Variants in TEX12 observed in about 807,000 individuals in gnomAD.
The protein encoded by TEX12 is testis expressed 12.
TEX12 carries 7 observed loss-of-function variants against 14.6 expected under a neutral mutation model. That is an observed-to-expected ratio of 0.48 (90% CI 0.27 to 0.90). The LOEUF is 0.90. TEX12 is among the 40% of genes least tolerant of loss of function. TEX12 has a pLI of 0.12. For missense variants in TEX12, 121 were observed against 135.7 expected (o/e 0.89, Z 0.54); for synonymous variants, 57 against 49.1 (o/e 1.16, Z -0.67).
Position 112,171,879 on chromosome 11 carries a change from A to G in TEX12, c.335A>G (p.Gln112Arg), listed in dbSNP as rs1866795150. The G allele has an allele frequency of 6.3e-7, 1 of 1,582,076 alleles. No homozygotes were observed. Among genetic ancestry groups the G allele is most frequent in the South Asian group, 1.2e-5 (1 of 84,748 alleles). Residue 112 changes from glutamine to arginine, a missense_variant, in exon 5 of 5, where the codon CAG becomes CGG. Gln to Arg is a conservative substitution (Grantham distance 43). Transcript: ENST00000280358. ...FLIQKREFLR[Q>R]RFTVIANTLH... ...ATACAAAAAAGAGAGTTCCTGCGAC[A>G]GAGGTTTACAGTGATTGCAAACACA...
chr11:112,168,698 C>G (rs36077191), intron 1 of TEX12, among the ~76,000 whole-genome samples: 3 of 151,866 alleles, frequency 2.0e-5, no homozygotes, highest in Non-Finnish European at 4.4e-5. Context: ...ATTACAGGCG[C>G]CTGCCACCAC....
chr11:112,170,083 G>A (rs1482344165), intron 2 of TEX12, among the ~76,000 whole-genome samples: 1 of 152,202 alleles, frequency 6.6e-6, no homozygotes, highest in East Asian at 1.9e-4. Flanking sequence ...AGGAGTCTGA[G>A]ACAGGAGGAT....
At chr11:112,169,454 G>A in intron 2 of TEX12, 123 bp downstream of exon 2, 2 of 736,036 alleles carry the variant, frequency 2.7e-6, no homozygotes, top group Admixed American at 2.5e-5. Context: ...CCAGAGCTAG[G>A]ATTGTCCTAC....
At chr11:112,169,370 G>T (rs368440925) in intron 2 of TEX12, 39 bp downstream of exon 2, 2 of 1,482,086 alleles carry the variant, frequency 1.3e-6, no homozygotes, top group Non-Finnish European at 1.9e-6. Context: ...CTTTTATTCT[G>T]TTTTACATAC....
rs372994901 is a variant in TEX12 at position 112,170,392 on chromosome 11, C to A, written c.64-27C>A. 2.8e-6 allele frequency: 4 copies of A among 1,406,836 alleles called. No individual in the cohort carries two copies. The African/African-American group carries it at 6.4e-5, about 22-fold the overall frequency. The allele number at this position is 1,406,836 out of a possible 1,614,324, so 87.1% of individuals were successfully genotyped here. On this transcript the variant is annotated intron_variant, in intron 2 of 4. Transcript: ENST00000280358. ...TGTCCTGAAGATCTTATTGACTGTA[C>A]CTGTTTTCTTTATTTTGTCCTGTTA...
Position 112,172,013 on chromosome 11 carries a change from A to T in TEX12, c.*97A>T, listed in dbSNP as rs919693154. On this transcript the variant is annotated 3_prime_UTR_variant, in exon 5 of 5. Transcript: ENST00000280358. ...GAAAGCTCTCGAGTTGTTAAAGAAA[A>T]TGTATATCTCGAATAGAGAAGGGGA... 1 of 961,600 alleles carries T rather than the reference A, an allele frequency of 1.0e-6. No homozygotes were observed. Among genetic ancestry groups the T allele is most frequent in the African/African-American group, 1.7e-5 (1 of 58,934 alleles). 59.6% of individuals were successfully genotyped at this position (961,600 alleles called of 1,614,324 possible). A position where few individuals can be genotyped will look rare whatever the true frequency, so the allele number is the denominator to read the frequency against.
At chr11:112,168,772 G>A (rs45542134) in intron 1 of TEX12, among the ~76,000 whole-genome samples, 1 of 151,960 alleles carries the variant, frequency 6.6e-6, no homozygotes, top group African/African-American at 2.4e-5. Flanking sequence ...GGCTGGTCTC[G>A]AACTCCCGAC....
chr11:112,170,472 T>G lies in TEX12; in HGVS notation c.117T>G (p.Ser39=). The part of the protein sequence containing the change: ...QLSSLGKSDS[S]FSEISGLFYK... ...CCTCTCTTGGAAAATCAGATTCATCTTTCTCTGAAATTTCCGGACTATTTT... is the reference window on the plus strand; with the variant it reads ...CCTCTCTTGGAAAATCAGATTCATCGTTCTCTGAAATTTCCGGACTATTTT... Residue 39 remains serine (S), a synonymous_variant, in exon 3 of 5, where the codon TCT becomes TCG. Coordinates refer to ENST00000280358, the MANE Select transcript of TEX12 (RefSeq NM_031275.4). The G allele has an allele frequency of 6.2e-7, 1 of 1,613,876 alleles. No homozygotes were observed. The highest frequency in any genetic ancestry group is 8.5e-7 in the Non-Finnish European group (1 of 1,179,864).
intron 2 of TEX12, among the ~76,000 whole-genome samples, chr11:112,169,559 C>T (rs568043170): frequency 6.6e-6 from 1 of 152,244 alleles, no homozygotes; most frequent in South Asian, 2.1e-4. Context: ...AGCTTGAGAT[C>T]TAGAGACAGA....
intron 1 of TEX12, among the ~76,000 whole-genome samples, chr11:112,167,816 G>A (rs1411560382): frequency 6.6e-6 from 1 of 152,122 alleles, no homozygotes; most frequent in Non-Finnish European, 1.5e-5. Flanking sequence ...TATTTTTGCA[G>A]AAACAGTTAC....
chr11:112,170,570 A>G lies in TEX12; in HGVS notation c.175+40A>G, dbSNP rs200180264. 3.4e-3 allele frequency: 5,406 copies of G among 1,589,004 alleles called. 16 individuals are homozygous for G. The highest frequency in any genetic ancestry group is 4.4e-3 in the Non-Finnish European group (5,051 of 1,158,220). The stretch of plus-strand genomic sequence containing the variant: ...GTTTATATTTCTAAACATCAGTCTT[A>G]TAATGCAGAAGGTTTGTTATATTTT... On this transcript the variant is annotated intron_variant, in intron 3 of 4. Transcript: ENST00000280358.
Position 112,172,033 on chromosome 11 carries a change from A to G in TEX12, c.*117A>G, listed in dbSNP as rs1275469338. ...AGAAAATGTATATCTCGAATAGAGA[A>G]GGGGAAACTCCTTGAATTTCTAGGT... On this transcript the variant is annotated 3_prime_UTR_variant, in exon 5 of 5. Coordinates refer to ENST00000280358, the MANE Select transcript of TEX12 (RefSeq NM_031275.4). 2.7e-6 allele frequency: 2 copies of G among 728,188 alleles called. No homozygotes were observed. Among genetic ancestry groups the G allele is most frequent in the African/African-American group, 1.8e-5 (1 of 54,326 alleles). The allele number at this position is 728,188 out of a possible 1,614,324, so 45.1% of individuals were successfully genotyped here.
chr11:112,171,688 T>C, intron 4 of TEX12, 84 bp from the exon 5 acceptor site: 1 of 877,220 alleles, frequency 1.1e-6, no homozygotes, highest in Non-Finnish European at 1.6e-6. Context: ...AATGAAATAG[T>C]TAACAAATAT....
rs148810701 is a variant in TEX12, at chr11:112,169,318, C to G, written c.50C>G (p.Pro17Arg). 2.7e-3 allele frequency: 4,401 copies of G among 1,612,874 alleles called. 9 individuals carry two copies. The highest frequency in any genetic ancestry group is 3.2e-3 in the Non-Finnish European group (3,807 of 1,178,914). ...VKPDNRNCKR[P>R]RELESPVPDS... Reference sequence around the variant, plus strand: ...CCTGATAATAGAAATTGCAAGAGGCCAAGAGAATTGGAGGTAAGCTGTATG... The same window carrying G: ...CCTGATAATAGAAATTGCAAGAGGCGAAGAGAATTGGAGGTAAGCTGTATG... Residue 17 changes from proline to arginine, a missense_variant, in exon 2 of 5, where the codon CCA (proline) becomes CGA (arginine). Physicochemically the swap from Pro to Arg is moderately radical, Grantham distance 103. Transcript: ENST00000280358.
Position 112,171,942 on chromosome 11 carries a change from A to G in TEX12, c.*26A>G. 1 of 1,401,996 alleles carries G rather than the reference A, an allele frequency of 7.1e-7. No individual in the cohort carries two copies. The highest frequency in any genetic ancestry group is 2.7e-5 in the East Asian group (1 of 37,618). The allele number at this position is 1,401,996 out of a possible 1,614,324, so 86.8% of individuals were successfully genotyped here. On this transcript the variant is annotated 3_prime_UTR_variant, in exon 5 of 5. Coordinates refer to ENST00000280358, the MANE Select transcript of TEX12 (RefSeq NM_031275.4). Reference sequence around the variant, plus strand: ...AATATATACTTGAAATAAGCTGAGAATTTAAACCTATTATTGTTATAATGA... The same window carrying G: ...AATATATACTTGAAATAAGCTGAGAGTTTAAACCTATTATTGTTATAATGA...
At chr11:112,171,639 A>C (rs569067725) in intron 4 of TEX12, 133 bp from the exon 5 acceptor site, 1 of 550,552 alleles carries the variant, frequency 1.8e-6, no homozygotes, top group Admixed American at 4.0e-5. Flanking sequence ...GAAGAGTATT[A>C]GTAAATTAAT....
rs1316511878 is a variant in TEX12, at chr11:112,170,455, G to T, written c.100G>T (p.Gly34Ter). The change falls in exon 3 of 5, where the codon GGA becomes TGA. Residue 34 changes from glycine to a stop codon, truncating the protein, a stop_gained. Coordinates refer to ENST00000280358, the MANE Select transcript of TEX12 (RefSeq NM_031275.4). LOFTEE classifies it high-confidence loss of function. ...VPDSPQLSSL[G>*]KSDSSFSEIS... ...AGATAGTCCACAGCTGTCCTCTCTTGGAAAATCAGATTCATCTTTCTCTGA... is the reference window on the plus strand; with the variant it reads ...AGATAGTCCACAGCTGTCCTCTCTTTGAAAATCAGATTCATCTTTCTCTGA... 1 of 1,613,576 alleles carries T rather than the reference G, an allele frequency of 6.2e-7. No individual in the cohort carries two copies. Among genetic ancestry groups the T allele is most frequent in the South Asian group, 1.1e-5 (1 of 91,044 alleles).
intron 1 of TEX12, among the ~76,000 whole-genome samples, chr11:112,168,221 A>G (rs553746146): frequency 6.6e-6 from 1 of 152,380 alleles, no homozygotes; most frequent in South Asian, 2.1e-4. Context: ...AAAACAACAA[A>G]GTCAATTGAT....
chr11:112,171,846 A>C lies in TEX12; in HGVS notation c.302A>C (p.Asn101Thr), dbSNP rs752992919. ...ELFKEANAIE[N>T]FLIQKREFLR... ...TTCAAAGAAGCCAATGCTATTGAAA[A>C]CTTTCTAATACAAAAAAGAGAGTTC... The change falls in exon 5 of 5, where the codon AAC becomes ACC. Residue 101 changes from asparagine (N) to threonine (T), a missense_variant. Physicochemically the swap from Asn to Thr is moderately conservative, Grantham distance 65. Transcript: ENST00000280358. 1.3e-6 allele frequency: 2 copies of C among 1,599,416 alleles called. No individual in the cohort carries two copies. The highest frequency in any genetic ancestry group is 1.7e-6 in the Non-Finnish European group (2 of 1,173,948).
Sources: allele counts gnomAD v4.1 joint callset (sites outside exome capture counted in the v4.1 genomes callset), GRCh38; gene constraint gnomAD v4.1.1; transcripts MANE v1.5; gene names NCBI Gene and HGNC (gene_info 2026-07-23, HGNC 2026-07-21).